DGKB: variants seen among roughly 807,000 people sequenced by gnomAD.
DGKB encodes the protein 90 kDa diacylglycerol kinase.
Under a neutral mutation model 114.3 loss-of-function variants are expected in DGKB, and 67 were observed. That is an observed-to-expected ratio of 0.59 (90% confidence interval 0.48 to 0.72). The LOEUF (loss-of-function observed/expected upper bound fraction) is 0.72, where lower values mean the gene tolerates loss of function less well. DGKB is among the 30% of genes least tolerant of loss of function. The pLI is 0.00. For missense variants in DGKB, 907 were observed against 975.2 expected (o/e 0.93, Z 0.93); for synonymous variants, 398 against 323.1 (o/e 1.23, Z -2.49).
intron 21 of DGKB, among the ~76,000 whole-genome samples, chr7:14,476,644 G>T (rs187637997): frequency 6.7e-4 from 102 of 151,230 alleles, no homozygotes; most frequent in Non-Finnish European, 9.6e-4. Context: ...ATAGTTTTCT[G>T]AACTATAAGA....
intron 23 of DGKB, among the ~76,000 whole-genome samples, chr7:14,274,809 G>A (rs539103311): frequency 1.2e-4 from 18 of 151,812 alleles, no homozygotes; most frequent in South Asian, 2.1e-4. Context: ...CACTAATCCC[G>A]TCATAGAGGC....
intron 20 of DGKB, among the ~76,000 whole-genome samples, chr7:14,501,276 C>T (rs1248148991): frequency 2.0e-5 from 3 of 151,796 alleles, no homozygotes. Context: ...TAGACGGATT[C>T]AATTAATAGG....
intron 2 of DGKB, among the ~76,000 whole-genome samples, chr7:14,783,665 C>T (rs1382208297): frequency 1.3e-5 from 2 of 152,168 alleles, no homozygotes; most frequent in South Asian, 2.1e-4. Context: ...ATATTTTGGC[C>T]TTCCTTTTGT....
chr7:14,933,900 T>C (rs190280232), intron 1 of DGKB, among the ~76,000 whole-genome samples: 6 of 152,310 alleles, frequency 3.9e-5, no homozygotes, highest in Admixed American at 2.6e-4. Flanking sequence ...AAATCAATTA[T>C]AGCACATAAG....
chr7:14,911,758 C>A lies in DGKB; in HGVS notation c.-188+62938G>T, dbSNP rs193098894. Among the ~76,000 whole-genome samples, 38 of 152,216 alleles carry A rather than the reference C, an allele frequency of 2.5e-4. No individual in the cohort carries two copies. In the East Asian group the frequency reaches 6.0e-3, roughly 24 times the overall value. ...ACTATGATCCAAAACTGCAAAACTG[C>A]GACAACGCTGTTTCATTTGACTTCA... On this transcript the variant is annotated intron_variant, in intron 1 of 4. Coordinates refer to the DGKB transcript ENST00000437998.
At chr7:14,318,758 A>G (rs1248522122) in intron 23 of DGKB, among the ~76,000 whole-genome samples, 1 of 152,098 alleles carries the variant, frequency 6.6e-6, no homozygotes, top group Non-Finnish European at 1.5e-5. Context: ...AACTAGAAAT[A>G]CCATTTGACC....
chr7:14,398,258 A>G (rs1410348018), intron 21 of DGKB, among the ~76,000 whole-genome samples: 1 of 152,068 alleles, frequency 6.6e-6, no homozygotes. Context: ...GTTAAACCAC[A>G]TTTACCAATA....
chr7:14,534,216 G>A (rs1350658746), intron 20 of DGKB, among the ~76,000 whole-genome samples: 1 of 152,030 alleles, frequency 6.6e-6, no homozygotes, highest in Non-Finnish European at 1.5e-5. Flanking sequence ...TTAAAGAAAA[G>A]TTGTTATCAG....
At chr7:14,941,013 G>T (rs1035047421) in intron 1 of DGKB, among the ~76,000 whole-genome samples, 8 of 151,906 alleles carry the variant, frequency 5.3e-5, no homozygotes, top group African/African-American at 9.7e-5. Flanking sequence ...TTATTGAATT[G>T]TCAAAGTGTA....
chr7:14,272,077 T>C (rs917956749), intron 23 of DGKB, among the ~76,000 whole-genome samples: 3 of 152,240 alleles, frequency 2.0e-5, no homozygotes, highest in Admixed American at 2.0e-4. Flanking sequence ...GTACCATATA[T>C]GCATATACAA....
At chr7:14,686,042 T>C (rs1444348020) in intron 9 of DGKB, among the ~76,000 whole-genome samples, 2 of 152,194 alleles carry the variant, frequency 1.3e-5, no homozygotes, top group African/African-American at 4.8e-5. Flanking sequence ...TTATAAAATA[T>C]AAGTAGTTTT....
At chr7:14,643,593 T>C (rs1033190251) in intron 13 of DGKB, among the ~76,000 whole-genome samples, 3 of 152,084 alleles carry the variant, frequency 2.0e-5, no homozygotes, top group African/African-American at 7.2e-5. Context: ...TCTGAGCCCA[T>C]GTAGCTCCCT....
intron 1 of DGKB, among the ~76,000 whole-genome samples, chr7:14,937,208 TA>T (rs1785320635): frequency 6.6e-6 from 1 of 152,150 alleles, no homozygotes; most frequent in Non-Finnish European, 1.5e-5. Context: ...AGAATTTAAA[TA>T]AAAACAAGTT....
chr7:14,649,873 C>A, intron 13 of DGKB, among the ~76,000 whole-genome samples: 1 of 138,758 alleles, frequency 7.2e-6, no homozygotes, highest in African/African-American at 2.9e-5. Flanking sequence ...AGACTTTAAA[C>A]CAACAAAGAT....
chr7:14,680,502 C>T (rs1214215030), intron 12 of DGKB, among the ~76,000 whole-genome samples: 1 of 151,872 alleles, frequency 6.6e-6, no homozygotes, highest in East Asian at 1.9e-4. Context: ...AAATGAATAA[C>T]TTGTGAATGG....
chr7:14,925,879 C>T (rs1374816273), intron 1 of DGKB, among the ~76,000 whole-genome samples: 2 of 151,272 alleles, frequency 1.3e-5, no homozygotes, highest in African/African-American at 4.9e-5. Flanking sequence ...CCCCCCACTT[C>T]CAGTATGCAT....
chr7:14,218,099 T>G (rs1213319112), intron 23 of DGKB, among the ~76,000 whole-genome samples: 1 of 152,110 alleles, frequency 6.6e-6, no homozygotes, highest in Non-Finnish European at 1.5e-5. Flanking sequence ...ATGTCCCAGA[T>G]GAAACTTCGT....
At chr7:14,254,502 T>C (rs1284710219) in intron 23 of DGKB, among the ~76,000 whole-genome samples, 1 of 152,178 alleles carries the variant, frequency 6.6e-6, no homozygotes, top group African/African-American at 2.4e-5. Context: ...ATACACTAGA[T>C]AAAATGTTAG....
intron 1 of DGKB, among the ~76,000 whole-genome samples, chr7:14,842,909 C>A (rs1036943929): frequency 3.9e-5 from 6 of 152,150 alleles, no homozygotes; most frequent in African/African-American, 1.4e-4. Context: ...TTGTGATATT[C>A]TTTTAATAAA....
Sources: allele counts gnomAD v4.1 joint callset (sites outside exome capture counted in the v4.1 genomes callset), GRCh38; gene constraint gnomAD v4.1.1; transcripts MANE v1.5; gene names NCBI Gene and HGNC (gene_info 2026-07-23, HGNC 2026-07-21).